Variants in UGGT2 observed in about 807,000 individuals in gnomAD.
UGGT2 encodes the protein UDP-glucose glycoprotein glucosyltransferase 2, also known as UDP-glucose:glycoprotein glucosyltransferase 2.
In UGGT2, 180 loss-of-function variants were observed where a neutral mutation model predicts 192.1. The observed-to-expected ratio is 0.94, with a 90% confidence interval of 0.83 to 1.06. UGGT2 has a LOEUF of 1.06. Ranked by LOEUF, UGGT2 falls within the 50% of genes least tolerant of loss-of-function variation. The probability of loss-of-function intolerance (pLI) is 0.00; values close to 1 mark genes in which losing one functional copy is unlikely to be tolerated. For missense variants in UGGT2, 1,849 were observed against 1,795.7 expected (o/e 1.03, Z -0.54); for synonymous variants, 580 against 591.0 (o/e 0.98, Z 0.27).
intron 20 of UGGT2, among the ~76,000 whole-genome samples, chr13:95,923,541 T>C (rs912163190): frequency 6.6e-6 from 1 of 152,094 alleles, no homozygotes; most frequent in Non-Finnish European, 1.5e-5. Context: ...GCAAATTTTG[T>C]ATTTTTAGTG....
At chr13:95,877,219 T>C in intron 29 of UGGT2, 60 bp downstream of exon 29, 2 of 1,304,670 alleles carry the variant, frequency 1.5e-6, no homozygotes, top group South Asian at 1.5e-5. Flanking sequence ...ATTCTCTTGG[T>C]TGTATTACAC....
intron 38 of UGGT2, among the ~76,000 whole-genome samples, chr13:95,802,988 C>T (rs1884133454): frequency 6.6e-6 from 1 of 151,880 alleles, no homozygotes; most frequent in Admixed American, 6.6e-5. Flanking sequence ...CGCCCGCCAC[C>T]ACGCCCGGCT....
chr13:95,945,590 A>T (rs2049838764), intron 15 of UGGT2, among the ~76,000 whole-genome samples: 1 of 152,270 alleles, frequency 6.6e-6, no homozygotes, highest in African/African-American at 2.4e-5. Context: ...TTCAATATTG[A>T]TAATTAAGAT....
At chr13:95,860,673 A>G in intron 32 of UGGT2, 115 bp downstream of exon 32, 2 of 533,916 alleles carry the variant, frequency 3.7e-6, no homozygotes, top group Non-Finnish European at 6.1e-6. Flanking sequence ...CTGAGTATCA[A>G]GGAAACAGAG....
At chr13:95,997,654 AG>A (rs2051668083) in intron 6 of UGGT2, among the ~76,000 whole-genome samples, 1 of 152,160 alleles carries the variant, frequency 6.6e-6, no homozygotes, top group Non-Finnish European at 1.5e-5. Context: ...AGGAAAAAAA[AG>A]AAAAAGATGT....
intron 7 of UGGT2, among the ~76,000 whole-genome samples, chr13:95,993,394 T>G (rs949875854): frequency 6.6e-6 from 1 of 151,970 alleles, no homozygotes; most frequent in African/African-American, 2.4e-5. Flanking sequence ...AAAATAGAAG[T>G]TGAAATAAAA....
At chr13:95,847,849 A>C (rs1417956916) in intron 36 of UGGT2, among the ~76,000 whole-genome samples, 1 of 152,218 alleles carries the variant, frequency 6.6e-6, no homozygotes, top group Non-Finnish European at 1.5e-5. Context: ...TTGTATGGTA[A>C]GAGTTTGTTT....
intron 36 of UGGT2, among the ~76,000 whole-genome samples, 165 bp from the exon 37 acceptor site, chr13:95,837,367 C>T (rs148204591): frequency 6.6e-4 from 101 of 152,314 alleles, no homozygotes; most frequent in Non-Finnish European, 1.3e-3. Flanking sequence ...GTGATCCAAT[C>T]ATCTTGTGTC....
Position 95,879,895 on chromosome 13 carries a change from ATTTTTT to A in UGGT2, c.3229-2045_3229-2040del, listed in dbSNP as rs77881466. Among the ~76,000 whole-genome samples the A allele has an allele frequency of 3.1e-3, 467 of 151,936 alleles. 12 individuals are homozygous for A. The East Asian group carries it at 0.075, about 24-fold the overall frequency. On this transcript the variant is annotated intron_variant, in intron 27 of 38. Coordinates refer to ENST00000376747, the MANE Select transcript of UGGT2 (RefSeq NM_020121.4). Reference sequence around the variant, plus strand: ...CAAATATAACCTTGAGAATGTATTAATTTTTTTTTATTATACTTTAAATTCTGGGGT... The same window carrying A: ...CAAATATAACCTTGAGAATGTATTAATTTATTATACTTTAAATTCTGGGGT...
At position 95,856,760 on chromosome 13, in the gene UGGT2, C is replaced by T. The variant is rs560956571; in HGVS notation, c.3826-420G>A. 502 of 319,578 alleles carry T rather than the reference C, an allele frequency of 1.6e-3. 11 individuals carry two copies. Among genetic ancestry groups the T allele is most frequent in the South Asian group, 0.013 (487 of 36,942 alleles). The allele number at this position is 319,578 out of a possible 1,614,324, so 19.8% of individuals were successfully genotyped here. A position where few individuals can be genotyped will look rare whatever the true frequency, so the allele number is the denominator to read the frequency against. The stretch of plus-strand genomic sequence containing the variant: ...GAGATGTAAAGATGAAGAGAGGATA[C>T]AAAAAACACAAAATAAGTTCTAAGC... On this transcript the variant is annotated intron_variant, in intron 33 of 38. Coordinates refer to ENST00000376747, the MANE Select transcript of UGGT2 (RefSeq NM_020121.4).
chr13:95,853,942 T>C (rs1889317445), intron 35 of UGGT2, among the ~76,000 whole-genome samples: 1 of 152,168 alleles, frequency 6.6e-6, no homozygotes, highest in African/African-American at 2.4e-5. Flanking sequence ...TTTGAAGACA[T>C]AATCTTAATT....
intron 20 of UGGT2, among the ~76,000 whole-genome samples, chr13:95,911,800 C>T (rs61972921): frequency 0.025 from 3,812 of 152,226 alleles, 55 homozygotes; most frequent in Non-Finnish European, 0.034. Flanking sequence ...GAATTTTAGA[C>T]CAATATCCCT....
chr13:95,955,140 G>T lies in UGGT2; in HGVS notation c.1336-5686C>A, dbSNP rs563658828. On this transcript the variant is annotated intron_variant, in intron 12 of 38. Coordinates refer to ENST00000376747, the MANE Select transcript of UGGT2 (RefSeq NM_020121.4). ...GACAAACTGCTATCATAATAACCAT[G>T]ATTGGTATTTGTAGATTCAACAAAT... Among the ~76,000 whole-genome samples the T allele has an allele frequency of 5.9e-5, 9 of 152,278 alleles. No individual in the cohort carries two copies. The East Asian group carries it at 1.7e-3, about 29-fold the overall frequency.
intron 29 of UGGT2, among the ~76,000 whole-genome samples, chr13:95,873,383 T>C (rs61972897): frequency 0.036 from 5,523 of 152,294 alleles, 118 homozygotes; most frequent in African/African-American, 0.052. Context: ...AACTGTCTAT[T>C]TGTAATGGGA....
At chr13:95,977,349 T>G (rs183944603) in intron 10 of UGGT2, among the ~76,000 whole-genome samples, 1 of 151,998 alleles carries the variant, frequency 6.6e-6, no homozygotes, top group Admixed American at 6.5e-5. Context: ...TTAAACAAAT[T>G]TACAAGAAAA....
intron 8 of UGGT2, among the ~76,000 whole-genome samples, chr13:95,987,764 G>A (rs531986780): frequency 7.2e-5 from 11 of 151,964 alleles, no homozygotes; most frequent in Admixed American, 5.3e-4. Flanking sequence ...TCTTACATTC[G>A]AAGTCTCTCC....
chr13:95,922,818 G>A (rs1487387494), intron 20 of UGGT2, among the ~76,000 whole-genome samples: 1 of 151,778 alleles, frequency 6.6e-6, no homozygotes, highest in Admixed American at 6.6e-5. Context: ...GCGAGACCCC[G>A]TCTCAAAAAA....
At chr13:95,827,955 T>G (rs1049725059) in intron 38 of UGGT2, among the ~76,000 whole-genome samples, 7 of 152,092 alleles carry the variant, frequency 4.6e-5, no homozygotes, top group African/African-American at 1.7e-4. Context: ...AGTTTCTTCA[T>G]CTCCCTATAC....
At position 95,854,408 on chromosome 13, in the gene UGGT2, G is replaced by T. The variant is rs1889372445; in HGVS notation, c.4076C>A (p.Pro1359Gln). The T allele has an allele frequency of 1.2e-6, 2 of 1,613,620 alleles. No individual in the cohort carries two copies. The highest frequency in any genetic ancestry group is 2.7e-5 in the African/African-American group (2 of 74,894). Residue 1359 changes from proline (P) to glutamine (Q), a missense_variant, in exon 35 of 39, where the codon CCA becomes CAA. Transcript: ENST00000376747. ...CATTTCCCTGCGGCTATCACAAAAT[G>T]GAGTATACCCATAAGGAGCTCCATC... ...DLDGAPYGYT[P>Q]FCDSRREMDG... is the part of the protein sequence containing the mutation.
Sources: allele counts gnomAD v4.1 joint callset (sites outside exome capture counted in the v4.1 genomes callset), GRCh38; gene constraint gnomAD v4.1.1; transcripts MANE v1.5; gene names NCBI Gene and HGNC (gene_info 2026-07-23, HGNC 2026-07-21).